SDK1: variants seen among roughly 807,000 people sequenced by gnomAD.
SDK1 encodes the protein protein sidekick-1.
SDK1 carries 157 observed loss-of-function variants against 245.5 expected under a neutral mutation model. The ratio of observed to expected loss-of-function variants is 0.64; its 90% confidence interval spans 0.56 to 0.73. The LOEUF is 0.73. SDK1 is among the 30% of genes least tolerant of loss of function. SDK1 has a pLI of 0.00. For missense variants in SDK1, 3,583 were observed against 3,002.3 expected (o/e 1.19, Z -4.52); for synonymous variants, 1,647 against 1,278.5 (o/e 1.29, Z -6.15).
chr7:4,252,857 T>A (rs1379250972), intron 44 of SDK1, among the ~76,000 whole-genome samples: 1 of 149,460 alleles, frequency 6.7e-6, no homozygotes, highest in East Asian at 2.1e-4. Flanking sequence ...GTTAAGTCAG[T>A]GTCACTCATT....
intron 1 of SDK1, among the ~76,000 whole-genome samples, chr7:3,414,613 A>C (rs1229987257): frequency 6.6e-6 from 1 of 152,156 alleles, no homozygotes; most frequent in Non-Finnish European, 1.5e-5. Flanking sequence ...TCTACTATAA[A>C]ATTTATTTAA....
intron 1 of SDK1, among the ~76,000 whole-genome samples, chr7:3,607,028 A>C (rs1016972549): frequency 6.6e-6 from 1 of 152,214 alleles, no homozygotes; most frequent in African/African-American, 2.4e-5. Flanking sequence ...TGATAAAAAG[A>C]GAAAGGGCTT....
At chr7:3,692,570 C>T (rs1040312564) in intron 4 of SDK1, among the ~76,000 whole-genome samples, 10 of 151,684 alleles carry the variant, frequency 6.6e-5, no homozygotes, top group African/African-American at 1.9e-4. Flanking sequence ...CAGTTATGTC[C>T]TTCAATTTTT....
chr7:3,962,596 T>C (rs1781786065), intron 8 of SDK1, 61 bp from the exon 9 acceptor site: 1 of 1,365,914 alleles, frequency 7.3e-7, no homozygotes, highest in East Asian at 2.4e-5. Context: ...GAAACAGATG[T>C]GCTTCAGTTC....
At position 4,255,388 on chromosome 7, in the gene SDK1, T is replaced by C. The variant is rs533003338; in HGVS notation, c.6381+9583T>C. Among the ~76,000 whole-genome samples the C allele has an allele frequency of 7.9e-5, 12 of 152,318 alleles. No homozygotes were observed. In the South Asian group the frequency reaches 2.1e-3, roughly 26 times the overall value. On this transcript the variant is annotated intron_variant, in intron 44 of 44. Coordinates refer to ENST00000404826, the MANE Select transcript of SDK1 (RefSeq NM_152744.4). Reference sequence around the variant, plus strand: ...TGCATCAAAGTGGAGGTGAGGACAATAGCCTTCTTCTTCCATAGTGACACA... The same window carrying C: ...TGCATCAAAGTGGAGGTGAGGACAACAGCCTTCTTCTTCCATAGTGACACA...
At chr7:3,790,150 C>G (rs1325422349) in intron 4 of SDK1, among the ~76,000 whole-genome samples, 1 of 152,250 alleles carries the variant, frequency 6.6e-6, no homozygotes, top group African/African-American at 2.4e-5. Flanking sequence ...GGCCACTATC[C>G]TATTTTCTGC....
intron 5 of SDK1, among the ~76,000 whole-genome samples, chr7:3,903,397 C>T (rs997560176): frequency 3.3e-5 from 5 of 152,074 alleles, no homozygotes; most frequent in Admixed American, 6.5e-5. Flanking sequence ...CCGCCCACCT[C>T]GGCCTCCCAA....
At chr7:3,642,217 C>T in intron 4 of SDK1, 112 bp downstream of exon 4, 1 of 971,756 alleles carries the variant, frequency 1.0e-6, no homozygotes, top group Non-Finnish European at 1.5e-6. Context: ...AAAGAGCAAA[C>T]TAGTCTAGGA....
At chr7:3,854,801 G>T (rs1231426895) in intron 5 of SDK1, among the ~76,000 whole-genome samples, 1 of 152,136 alleles carries the variant, frequency 6.6e-6, no homozygotes, top group Non-Finnish European at 1.5e-5. Flanking sequence ...AAAAAGATAG[G>T]TACATAGATA....
chr7:3,694,577 T>TG (rs55771776), intron 4 of SDK1, among the ~76,000 whole-genome samples: 118,569 of 150,668 alleles, frequency 0.79, 46,808 homozygotes, highest in Non-Finnish European at 0.84. Context: ...TTTATGTTGG[T>TG]GGGGGGGGAA....
intron 5 of SDK1, among the ~76,000 whole-genome samples, chr7:3,949,248 C>T (rs1780700812): frequency 6.6e-6 from 1 of 152,228 alleles, no homozygotes; most frequent in East Asian, 1.9e-4. Context: ...TCACATTATT[C>T]AATCAACATA....
At chr7:3,742,773 C>G (rs968234922) in intron 4 of SDK1, among the ~76,000 whole-genome samples, 3 of 152,020 alleles carry the variant, frequency 2.0e-5, no homozygotes, top group African/African-American at 7.3e-5. Context: ...GTCACAGAAC[C>G]AAAGAGGGTG....
In SDK1 at chr7:3,609,013, GACACTGGAAAA is replaced by G. The variant is rs559900053; in HGVS notation, c.299-10065_299-10055del. Among the ~76,000 whole-genome samples, 30 of 152,246 alleles carry G rather than the reference GACACTGGAAAA, an allele frequency of 2.0e-4. No individual in the cohort carries two copies. In the East Asian group the frequency reaches 5.8e-3, roughly 29 times the overall value. The stretch of plus-strand genomic sequence containing the variant: ...AATCTAGTTGTCCTTTATTAAGCTA[GACACTGGAAAA>G]ATTTGAAAAAGGGTTAAACAGTGCC... On this transcript the variant is annotated intron_variant, in intron 1 of 44. Coordinates refer to ENST00000404826, the MANE Select transcript of SDK1 (RefSeq NM_152744.4).
At chr7:3,751,548 G>A (rs575067116) in intron 4 of SDK1, among the ~76,000 whole-genome samples, 8 of 152,242 alleles carry the variant, frequency 5.3e-5, no homozygotes, top group Middle Eastern at 3.4e-3. Context: ...TGGCCATCCC[G>A]TCATTGCCCA....
At chr7:4,237,870 C>A in intron 42 of SDK1, 86 bp downstream of exon 42, 1 of 1,477,774 alleles carries the variant, frequency 6.8e-7, no homozygotes, top group South Asian at 1.2e-5. Flanking sequence ...CTGCCGGGCC[C>A]GTGTCTGCTT....
rs542853960 is a variant in SDK1, at chr7:3,368,799, T to C, written c.298+66915T>C. 3.3e-5 allele frequency among the ~76,000 whole-genome samples: 5 copies of C among 152,296 alleles called. No homozygotes were observed. In the South Asian group the frequency reaches 1.0e-3, roughly 32 times the overall value. The stretch of plus-strand genomic sequence containing the variant: ...AGATAACACAAAGCACTTAGAACCG[T>C]GTGTGACATGTATTAGGAACTGAAG... On this transcript the variant is annotated intron_variant, in intron 1 of 44. Coordinates refer to ENST00000404826, the MANE Select transcript of SDK1 (RefSeq NM_152744.4).
rs36146912 is a variant in SDK1 at position 3,883,693 on chromosome 7, GCTCCCTCCCTCC to G, written c.847+62124_847+62135del. Among the ~76,000 whole-genome samples, 150 of 144,350 alleles carry G rather than the reference GCTCCCTCCCTCC, an allele frequency of 1.0e-3. 1 individual carries two copies. The highest frequency in any genetic ancestry group is 4.0e-3 in the African/African-American group (146 of 36,432). The allele number at this position is 144,350 out of a possible 152,430, so 94.7% of individuals were successfully genotyped here. A position where few individuals can be genotyped will look rare whatever the true frequency, so the allele number is the denominator to read the frequency against. On this transcript the variant is annotated intron_variant, in intron 5 of 44. Coordinates refer to ENST00000404826, the MANE Select transcript of SDK1 (RefSeq NM_152744.4). ...GTCGTCCTCTGGACCTCGCTCCCTC[GCTCCCTCCCTCC>G]CTCCCTCCCTCCCATTGTCTAGCAG...
intron 28 of SDK1, among the ~76,000 whole-genome samples, chr7:4,137,540 G>A (rs1204836282): frequency 6.6e-6 from 1 of 152,132 alleles, no homozygotes; most frequent in African/African-American, 2.4e-5. Flanking sequence ...TGCCACCTCC[G>A]TCTTCCAGGT....
intron 1 of SDK1, among the ~76,000 whole-genome samples, chr7:3,610,257 G>A (rs562579608): frequency 2.0e-4 from 31 of 152,316 alleles, no homozygotes; most frequent in Non-Finnish European, 3.7e-4. Context: ...AAACAGATAA[G>A]CAGGAGAAGG....
Sources: gnomAD v4.1 joint callset for allele counts (sites outside exome capture counted in the v4.1 genomes callset) on GRCh38, gnomAD v4.1.1 for gene constraint, MANE v1.5 for transcripts, NCBI Gene and HGNC (gene_info 2026-07-23, HGNC 2026-07-21) for gene names.